GBF1: variants seen among roughly 807,000 people sequenced by gnomAD.
The protein encoded by GBF1 is golgi brefeldin A resistant guanine nucleotide exchange factor 1, also known as Golgi-specific brefeldin A-resistance guanine nucleotide exchange factor 1.
GBF1 carries 114 observed loss-of-function variants against 210.5 expected under a neutral mutation model. The ratio of observed to expected loss-of-function variants is 0.54; its 90% CI spans 0.47 to 0.63. The LOEUF is 0.63. Among genes scored for constraint, GBF1 ranks in the 30% least tolerant of loss-of-function variants. GBF1 has a pLI of 0.00. For missense variants in GBF1, 1,851 were observed against 2,357.7 expected (o/e 0.79, Z 4.45); for synonymous variants, 850 against 889.2 (o/e 0.96, Z 0.78).
Position 102,376,107 on chromosome 10 carries a change from G to A in GBF1, c.3887-165G>A, listed in dbSNP as rs542489884. Among the ~76,000 whole-genome samples the A allele has an allele frequency of 2.0e-5, 3 of 152,034 alleles. No individual in the cohort carries two copies. In the East Asian group the frequency reaches 5.9e-4, roughly 30 times the overall value. On this transcript the variant is annotated intron_variant, in intron 30 of 39. Coordinates refer to ENST00000369983, the MANE Select transcript of GBF1 (RefSeq NM_001377137.1). ...AGCCTGCCACCTTATTTGGTCAACA[G>A]AGAAACTGTTCCGGCCATCCTTTGG... is the stretch of plus-strand genomic sequence containing the variant.
chr10:102,288,744 A>AC (rs2076191387), intron 3 of GBF1, among the ~76,000 whole-genome samples: 1 of 151,346 alleles, frequency 6.6e-6, no homozygotes, highest in Non-Finnish European at 1.5e-5. Flanking sequence ...AACAAAAAAA[A>AC]AAAACGAAAT....
At chr10:102,268,516 C>A (rs1294018273) in intron 3 of GBF1, among the ~76,000 whole-genome samples, 1 of 152,086 alleles carries the variant, frequency 6.6e-6, no homozygotes, top group Non-Finnish European at 1.5e-5. Flanking sequence ...CCTCTTGAGG[C>A]CTGAAACTTC....
In GBF1 at chr10:102,361,865, T is replaced by G. The variant is rs2059620427; in HGVS notation, c.1639T>G (p.Tyr547Asp). 1 of 1,613,652 alleles carries G rather than the reference T, an allele frequency of 6.2e-7. No homozygotes were observed. Among genetic ancestry groups the G allele is most frequent in the African/African-American group, 1.3e-5 (1 of 74,904 alleles). ...TELYINYDCDYYCSNLFEELT... is the reference protein window; with the variant it reads ...TELYINYDCDDYCSNLFEELT... The stretch of plus-strand genomic sequence containing the variant: ...GCTCTACATCAACTATGATTGTGAC[T>G]ACTACTGTTCCAACCTCTTTGAGGA... Residue 547 changes from tyrosine (Y) to aspartate (D), a missense_variant, in exon 14 of 40, where the codon TAC (tyrosine) becomes GAC (aspartate). Tyr to Asp is a radical substitution (Grantham distance 160, BLOSUM62 -3). This residue lies in a region of GBF1 where 804 missense variants were observed against 958.6 expected (regional missense o/e 0.84). Coordinates refer to ENST00000369983, the MANE Select transcript of GBF1 (RefSeq NM_001377137.1).
At chr10:102,322,485 T>C (rs2056490155) in intron 3 of GBF1, among the ~76,000 whole-genome samples, 1 of 152,116 alleles carries the variant, frequency 6.6e-6, no homozygotes, top group Admixed American at 6.6e-5. Context: ...GGAAATAGGA[T>C]TTCTCCCCAC....
At position 102,376,692 on chromosome 10, in the gene GBF1, G is replaced by A. The variant is rs778301038; in HGVS notation, c.4180G>A (p.Val1394Met). 1 of 1,613,782 alleles carries A rather than the reference G, an allele frequency of 6.2e-7. No individual in the cohort carries two copies. Among genetic ancestry groups the A allele is most frequent in the African/African-American group, 1.3e-5 (1 of 74,928 alleles). ...PHDTKSLLKC[V>M]ESLSFIVRDA... ...CGACACTAAGTCTCTGCTTAAGTGT[G>A]TGGAATCGCTGTCCTTCATTGTGCG... Residue 1394 changes from valine to methionine, a missense_variant, in exon 32 of 40, where the codon GTG (valine) becomes ATG (methionine). By Grantham distance (21) the Val-to-Met change is conservative. Around this residue, in one of 3 missense-constraint regions of GBF1, gnomAD observed 967 missense variants for 1,247.7 expected, o/e 0.78. Coordinates refer to ENST00000369983, the MANE Select transcript of GBF1 (RefSeq NM_001377137.1).
At chr10:102,355,853 G>A (rs1378609730) in intron 8 of GBF1, among the ~76,000 whole-genome samples, 1 of 152,176 alleles carries the variant, frequency 6.6e-6, no homozygotes, top group African/African-American at 2.4e-5. Flanking sequence ...TTGGCCTCTT[G>A]CCCTTTTGCA....
At chr10:102,319,184 G>A (rs2056149399) in intron 3 of GBF1, among the ~76,000 whole-genome samples, 2 of 152,214 alleles carry the variant, frequency 1.3e-5, no homozygotes, top group African/African-American at 4.8e-5. Flanking sequence ...GCCGGGCGTG[G>A]TGGCAGGTGC....
Position 102,296,954 on chromosome 10 carries a change from A to C in GBF1, c.163+36838A>C, listed in dbSNP as rs1411077464. 2.6e-5 allele frequency among the ~76,000 whole-genome samples: 4 copies of C among 152,122 alleles called. No individual in the cohort carries two copies. The East Asian group carries it at 7.7e-4, about 29-fold the overall frequency. On this transcript the variant is annotated intron_variant, in intron 3 of 39. Coordinates refer to ENST00000369983, the MANE Select transcript of GBF1 (RefSeq NM_001377137.1). ...CAGCTACTTGGGAGGCTGAGGCACA[A>C]GGATCGTTTGAACCCGGGAGGCAGA... is the stretch of plus-strand genomic sequence containing the variant.
chr10:102,343,208 C>T (rs2134565778), intron 3 of GBF1, among the ~76,000 whole-genome samples: 1 of 152,266 alleles, frequency 6.6e-6, no homozygotes, highest in Admixed American at 6.5e-5. Context: ...ACTTTTTTCT[C>T]AGCAAGGGAT....
chr10:102,362,420 CAA>C, intron 14 of GBF1, 53 bp from the exon 15 acceptor site: 1 of 1,260,012 alleles, frequency 7.9e-7, no homozygotes, highest in Non-Finnish European at 1.1e-6. Context: ...AGAAAATGAT[CAA>C]AGTGTAAAGT....
chr10:102,327,448 T>C (rs2056990181), intron 3 of GBF1, among the ~76,000 whole-genome samples: 1 of 152,222 alleles, frequency 6.6e-6, no homozygotes, highest in Non-Finnish European at 1.5e-5. Context: ...AAGAGACTTT[T>C]ATAGGAATGT....
At chr10:102,370,886 G>C (rs139037166) in intron 29 of GBF1, 26 bp downstream of exon 29, 1 of 1,609,472 alleles carries the variant, frequency 6.2e-7, no homozygotes, top group Non-Finnish European at 8.5e-7. Flanking sequence ...CTTGGAGAGT[G>C]GGCAGGTATG....
intron 3 of GBF1, among the ~76,000 whole-genome samples, chr10:102,310,640 T>C (rs2078328510): frequency 6.6e-6 from 1 of 152,212 alleles, no homozygotes; most frequent in Non-Finnish European, 1.5e-5. Context: ...GTTTGTGGCC[T>C]ATACACCAAG....
rs548035789 is a variant in GBF1, at chr10:102,333,351, A to G, written c.164-10700A>G. 1.8e-4 allele frequency among the ~76,000 whole-genome samples: 27 copies of G among 152,316 alleles called. No individual in the cohort carries two copies. In the South Asian group the frequency reaches 1.9e-3, roughly 11 times the overall value. On this transcript the variant is annotated intron_variant, in intron 3 of 39. Transcript: ENST00000369983. ...AGCCTAAATTCCCACCTGTCCATTC[A>G]TAGGTCTGGAAAACTTTGAAGCTGA... is the stretch of plus-strand genomic sequence containing the variant.
At chr10:102,244,151 C>CA (rs760449773), upstream of GBF1, among the ~76,000 whole-genome samples, 13 of 152,070 alleles carry the variant, frequency 8.5e-5, no homozygotes, top group African/African-American at 1.9e-4. Flanking sequence ...AAACAAAAGA[C>CA]AAAAAAACAA....
At chr10:102,371,523 A>G (rs192134776) in intron 29 of GBF1, among the ~76,000 whole-genome samples, 1 of 152,362 alleles carries the variant, frequency 6.6e-6, no homozygotes, top group African/African-American at 2.4e-5. Context: ...AATTCAACAT[A>G]ACTCCTATAA....
chr10:102,231,112 G>A, the GBF1 span: 1 of 1,524,578 alleles, frequency 6.6e-7, no homozygotes, highest in East Asian at 2.3e-5. Flanking sequence ...CTGCGGGCAC[G>A]GGAGAAAGGC....
In GBF1 at chr10:102,344,035, G is replaced by T; in HGVS notation, c.164-16G>T. On this transcript the variant is annotated splice_polypyrimidine_tract_variant and intron_variant, in intron 3 of 39. Coordinates refer to ENST00000369983, the MANE Select transcript of GBF1 (RefSeq NM_001377137.1). The stretch of plus-strand genomic sequence containing the variant: ...TCTTAGATGATACCTCTTCATTTCT[G>T]TGTATTTTCTTGCAGAACTCTCAGA... 1 of 1,609,076 alleles carries T rather than the reference G, an allele frequency of 6.2e-7. No individual in the cohort carries two copies. The highest frequency in any genetic ancestry group is 8.5e-7 in the Non-Finnish European group (1 of 1,175,548).
intron 3 of GBF1, among the ~76,000 whole-genome samples, chr10:102,327,303 A>G (rs2056979459): frequency 6.6e-6 from 1 of 152,202 alleles, no homozygotes; most frequent in African/African-American, 2.4e-5. Context: ...GGAGGAAAAT[A>G]TAGAGCTGGT....
Sources: allele counts gnomAD v4.1 joint callset (sites outside exome capture counted in the v4.1 genomes callset), GRCh38; gene constraint gnomAD v4.1.1; regional missense constraint gnomAD v4.1.1; transcripts MANE v1.5; gene names NCBI Gene and HGNC (gene_info 2026-07-23, HGNC 2026-07-21).